Variants in NHLRC3 observed in about 807,000 individuals in gnomAD.
The protein encoded by NHLRC3 is NHL repeat containing 3.
A neutral mutation model predicts 32.0 loss-of-function variants in NHLRC3; 23 were observed. That is an observed-to-expected ratio of 0.72 (90% confidence interval 0.52 to 1.02). NHLRC3 has a LOEUF of 1.02. Among genes scored for constraint, NHLRC3 ranks in the 50% least tolerant of loss-of-function variants. The pLI is 0.00. For missense variants in NHLRC3, 407 were observed against 406.8 expected (o/e 1.00, Z -0.01); for synonymous variants, 159 against 147.9 (o/e 1.08, Z -0.55).
At chr13:39,038,329 A>G (rs1016393369), upstream of NHLRC3, 2 of 410,530 alleles carry the variant, frequency 4.9e-6, no homozygotes, top group Non-Finnish European at 8.9e-6. Flanking sequence ...GTGGCCACTG[A>G]AAGTCAGCGG....
At chr13:39,039,078 C>CCGGT in intron 1 of NHLRC3, 58 bp from the exon 2 acceptor site, 1 of 1,038,072 alleles carries the variant, frequency 9.6e-7, no homozygotes, top group Non-Finnish European at 1.4e-6. Flanking sequence ...CCCCCCCGCC[C>CCGGT]TTTTTTTGTT....
intron 3 of NHLRC3, chr13:39,041,265 A>C (rs989385330): frequency 5.9e-5 from 9 of 151,808 alleles, no homozygotes; most frequent in Non-Finnish European, 1.3e-4. Context: ...TTGGAGGCTT[A>C]TGTGTTTTTT....
At chr13:39,044,453 G>A (rs1270818841) in intron 5 of NHLRC3, 1 of 373,644 alleles carries the variant, frequency 2.7e-6, no homozygotes, top group Non-Finnish European at 4.7e-6. Flanking sequence ...TGGATTTCCT[G>A]TACCATTTAA....
intron 5 of NHLRC3, 189 bp downstream of exon 5, chr13:39,044,370 G>A: frequency 1.8e-6 from 1 of 548,490 alleles, no homozygotes. Context: ...GGCTGGGTGT[G>A]CACACATACT....
intron 1 of NHLRC3, 151 bp downstream of exon 1, chr13:39,038,874 T>G: frequency 5.5e-6 from 4 of 722,938 alleles, no homozygotes; most frequent in Non-Finnish European, 9.6e-6. Flanking sequence ...CTTGACCCTT[T>G]GAGTTTAAAA....
rs1323074072 is a variant in NHLRC3, at chr13:39,039,600, G to T, written c.274G>T (p.Glu92Ter). Residue 92 changes from glutamate to a stop codon, truncating the protein, a stop_gained, in exon 3 of 7, where the codon GAG becomes TAG. Coordinates refer to ENST00000379600, the MANE Select transcript of NHLRC3 (RefSeq NM_001012754.4). LOFTEE classifies it high-confidence loss of function. The part of the protein sequence containing the change: ...DNIPKILVFT[E>*]DGYFLRAWNY... ...CATCCCAAAGATATTAGTGTTCACA[G>T]AGGATGGATATTTCCTACGAGCCTG... is the stretch of plus-strand genomic sequence containing the variant. 6 of 1,612,062 alleles carry T rather than the reference G, an allele frequency of 3.7e-6. No homozygotes were observed. The highest frequency in any genetic ancestry group is 5.1e-6 in the Non-Finnish European group (6 of 1,178,290).
At chr13:39,041,053 A>AT (rs1173857708) in intron 3 of NHLRC3, 1 of 152,184 alleles carries the variant, frequency 6.6e-6, no homozygotes, top group African/African-American at 2.4e-5. Context: ...GACTTCCTTG[A>AT]TTCCCAGAAA....
rs775899420 is a variant in NHLRC3 at position 39,039,187 on chromosome 13, T to A, written c.136T>A (p.Tyr46Asn). The change falls in exon 2 of 7, where the codon TAC (tyrosine) becomes AAC (asparagine). Residue 46 changes from tyrosine to asparagine, a missense_variant. Physicochemically the swap from Tyr to Asn is moderately radical, Grantham distance 143. Transcript: ENST00000379600. ...AVSWRTEKIL[Y>N]RLDVGWPKHP... ...TTCCTGGAGAACTGAGAAAATTCTTTACCGGCTGGATGTGGGTTGGCCTAA... is the reference window on the plus strand; with the variant it reads ...TTCCTGGAGAACTGAGAAAATTCTTAACCGGCTGGATGTGGGTTGGCCTAA... 6.2e-7 allele frequency: 1 copy of A among 1,614,028 alleles called. No individual in the cohort carries two copies. The highest frequency in any genetic ancestry group is 1.3e-5 in the African/African-American group (1 of 75,048).
intron 4 of NHLRC3, among the ~76,000 whole-genome samples, chr13:39,043,526 C>T (rs887439182): frequency 6.6e-6 from 1 of 152,030 alleles, no homozygotes; most frequent in Non-Finnish European, 1.5e-5. Flanking sequence ...TCCAGTCTTT[C>T]CCTTCTTTCT....
In NHLRC3 at chr13:39,038,565, C is replaced by A. The variant is rs956520011; in HGVS notation, c.-75C>A. 1.6e-6 allele frequency: 2 copies of A among 1,285,048 alleles called. No homozygotes were observed. The highest frequency in any genetic ancestry group is 2.3e-6 in the Non-Finnish European group (2 of 880,288). The allele number at this position is 1,285,048 out of a possible 1,614,324, so 79.6% of individuals were successfully genotyped here. ...GGCAGACCCTCTGTGCCGCTGCAAA[C>A]CGTTGCAGCCTGAGGCTGTCAGGTC... On this transcript the variant is annotated 5_prime_UTR_variant, in exon 1 of 7. Transcript: ENST00000379600.
At chr13:39,044,424 C>T (rs1436730123) in intron 5 of NHLRC3, 2 of 419,654 alleles carry the variant, frequency 4.8e-6, no homozygotes, top group Non-Finnish European at 8.4e-6. Flanking sequence ...GTTCCCCAAA[C>T]ATTTAGAAAG....
chr13:39,042,197 C>G lies in NHLRC3; in HGVS notation c.478C>G (p.Pro160Ala). Residue 160 changes from proline (P) to alanine (A), a missense_variant, in exon 4 of 7, where the codon CCT (proline) becomes GCT (alanine). Pro to Ala is a conservative substitution (Grantham distance 27). Transcript: ENST00000379600. ...TPGKKGTSLN[P>A]LQFDNPAELY... Reference sequence around the variant, plus strand: ...AGGCAAAAAAGGCACTAGTTTGAATCCTTTGCAGTTTGATAACCCAGCAGA... The same window carrying G: ...AGGCAAAAAAGGCACTAGTTTGAATGCTTTGCAGTTTGATAACCCAGCAGA... 6.2e-7 allele frequency: 1 copy of G among 1,610,808 alleles called. No individual in the cohort carries two copies. Among genetic ancestry groups the G allele is most frequent in the Non-Finnish European group, 8.5e-7 (1 of 1,177,146 alleles).
In NHLRC3 at chr13:39,042,249, T is replaced by A. The variant is rs146609288; in HGVS notation, c.530T>A (p.Ile177Asn). ...TTATATGTAGAGGACACAGGAGATATTTACATTGTGGATGGAGATGGAGGA... is the reference window on the plus strand; with the variant it reads ...TTATATGTAGAGGACACAGGAGATAATTACATTGTGGATGGAGATGGAGGA... ...AELYVEDTGD[I>N]YIVDGDGGLN... Residue 177 changes from isoleucine to asparagine, a missense_variant, in exon 4 of 7, where the codon ATT becomes AAT. Transcript: ENST00000379600. 1 of 1,611,394 alleles carries A rather than the reference T, an allele frequency of 6.2e-7. No individual in the cohort carries two copies. Among genetic ancestry groups the A allele is most frequent in the Non-Finnish European group, 8.5e-7 (1 of 1,177,750 alleles).
intron 3 of NHLRC3, chr13:39,041,262 C>G (rs926475838): frequency 1.3e-5 from 2 of 151,486 alleles, no homozygotes; most frequent in Non-Finnish European, 2.9e-5. Flanking sequence ...AACTTGGAGG[C>G]TTATGTGTTT....
At position 39,046,966 on chromosome 13, in the gene NHLRC3, A is replaced by G; in HGVS notation, c.679-74A>G. On this transcript the variant is annotated intron_variant, in intron 5 of 6. Coordinates refer to ENST00000379600, the MANE Select transcript of NHLRC3 (RefSeq NM_001012754.4). ...AGTGAGATAATGTATGGTGAAACTA[A>G]TGAAAATAAACATTCTTTTCCCTTT... 14 of 968,504 alleles carry G rather than the reference A, an allele frequency of 1.4e-5. No individual in the cohort carries two copies. The South Asian group carries it at 1.9e-4, about 13-fold the overall frequency. 60.0% of individuals were successfully genotyped at this position (968,504 alleles called of 1,614,324 possible). A position where few individuals can be genotyped will look rare whatever the true frequency, so the allele number is the denominator to read the frequency against.
At chr13:39,038,746 G>T in intron 1 of NHLRC3, 23 bp downstream of exon 1, 2 of 1,592,298 alleles carry the variant, frequency 1.3e-6, no homozygotes, top group South Asian at 1.1e-5. Context: ...GTGAGGAAAT[G>T]ACTGTCGGGT....
Position 39,044,167 on chromosome 13 carries a change from G to C in NHLRC3, c.664G>C (p.Asp222His). Residue 222 changes from aspartate (D) to histidine (H), a missense_variant, in exon 5 of 7, where the codon GAT (aspartate) becomes CAT (histidine). Transcript: ENST00000379600. Reference protein sequence around the residue: ...KFNIPHSVTLDSAGRVWVADR... With the variant: ...KFNIPHSVTLHSAGRVWVADR... ...CAACATACCTCACAGTGTTACACTT[G>C]ATTCAGCTGGTCGGGTACAAATACA... The C allele has an allele frequency of 6.2e-7, 1 of 1,611,622 alleles. No homozygotes were observed. Among genetic ancestry groups the C allele is most frequent in the South Asian group, 1.1e-5 (1 of 91,028 alleles).
intron 5 of NHLRC3, among the ~76,000 whole-genome samples, chr13:39,045,580 A>G (rs1022427623): frequency 1.3e-5 from 2 of 152,234 alleles, no homozygotes; most frequent in Non-Finnish European, 2.9e-5. Flanking sequence ...TATGTGTTAA[A>G]CAGGAGTTCC....
Position 39,038,663 on chromosome 13 carries a change from A to G in NHLRC3, c.24A>G (p.Val8=). 6.2e-7 allele frequency: 1 copy of G among 1,614,144 alleles called. No individual in the cohort carries two copies. ...TCATGGCGAGATTCTGGGTCTGCGT[A>G]GCCGGTGCTGGCTTCTTTCTTGCAT... The part of the protein sequence containing the change: MARFWVC[V]AGAGFFLAFL... The change falls in exon 1 of 7, where the codon GTA becomes GTG. Residue 8 remains valine (V), a synonymous_variant. Transcript: ENST00000379600.
Sources: gnomAD v4.1 joint callset for allele counts (sites outside exome capture counted in the v4.1 genomes callset) on GRCh38, gnomAD v4.1.1 for gene constraint, MANE v1.5 for transcripts, NCBI Gene and HGNC (gene_info 2026-07-23, HGNC 2026-07-21) for gene names.